The following ADTRP variants were observed in gnomAD, a reference collection of about 807,000 sequenced individuals.
ADTRP encodes the protein androgen dependent TFPI regulating protein.
ADTRP carries 20 observed loss-of-function variants against 27.0 expected under a neutral mutation model. The ratio of observed to expected loss-of-function variants is 0.74; its 90% CI spans 0.52 to 1.08. The LOEUF (loss-of-function observed/expected upper bound fraction) is 1.08, where lower values mean the gene tolerates loss of function less well. ADTRP is among the 50% of genes least tolerant of loss of function. The probability of loss-of-function intolerance (pLI) is 0.00; values close to 1 mark genes in which losing one functional copy is unlikely to be tolerated. For synonymous variants in ADTRP, 101 were observed against 105.2 expected (o/e 0.96, Z 0.25); for missense variants, 251 against 275.0 (o/e 0.91, Z 0.62).
At chr6:11,731,964 A>AT (rs1039602273) in intron 4 of ADTRP, among the ~76,000 whole-genome samples, 1 of 151,982 alleles carries the variant, frequency 6.6e-6, no homozygotes, top group Admixed American at 6.6e-5. Context: ...GAACATTTCT[A>AT]TTTTTTTGCT....
At chr6:11,741,163 G>A (rs1218772706) in intron 3 of ADTRP, among the ~76,000 whole-genome samples, 1 of 152,088 alleles carries the variant, frequency 6.6e-6, no homozygotes, top group East Asian at 1.9e-4. Flanking sequence ...AACCTAGGTG[G>A]GCTATCACAG....
At position 11,766,377 on chromosome 6, in the gene ADTRP, T is replaced by G. The variant is rs1185377437; in HGVS notation, c.289-2A>C. Reference sequence around the variant, plus strand: ...GATCCAGAATGCCAAAAATACAAACTGGAAAATAAAACACAAAAAATAGCA... The same window carrying G: ...GATCCAGAATGCCAAAAATACAAACGGGAAAATAAAACACAAAAAATAGCA... On this transcript the variant is annotated splice_acceptor_variant, in intron 2 of 5. Transcript: ENST00000414691. LOFTEE classifies it high-confidence loss of function. The G allele has an allele frequency of 3.1e-6, 5 of 1,607,596 alleles. No homozygotes were observed. Among genetic ancestry groups the G allele is most frequent in the Non-Finnish European group, 4.3e-6 (5 of 1,175,802 alleles).
At chr6:11,719,200 C>T (rs1761930496) in intron 5 of ADTRP, among the ~76,000 whole-genome samples, 1 of 152,188 alleles carries the variant, frequency 6.6e-6, no homozygotes, top group African/African-American at 2.4e-5. Flanking sequence ...GTAATAGAGC[C>T]TTGTCCTCAG....
chr6:11,769,280 C>T (rs1763681896), intron 1 of ADTRP, among the ~76,000 whole-genome samples: 4 of 152,156 alleles, frequency 2.6e-5, no homozygotes, highest in Admixed American at 1.3e-4. Flanking sequence ...CTGGACTCTG[C>T]TTTTAGGGTA....
Position 11,768,254 on chromosome 6 carries a change from A to G in ADTRP, c.283T>C (p.Ser95Pro). Reference protein sequence around the residue: ...LLFTTLAFPVSTFVFLAFWIL... With the variant: ...LLFTTLAFPVPTFVFLAFWIL... ...TACACATCTTTGAAACTTACCGTGG[A>G]TACAGGAAAAGCCAGAGTGGTGAAA... The change falls in exon 2 of 6, where the codon TCC (serine) becomes CCC (proline). Residue 95 changes from serine to proline, a missense_variant. Coordinates refer to ENST00000414691, the MANE Select transcript of ADTRP (RefSeq NM_032744.4). 2 of 1,614,170 alleles carry G rather than the reference A, an allele frequency of 1.2e-6. No homozygotes were observed.
rs75127539 is a variant in ADTRP at position 11,762,429 on chromosome 6, T to G, written c.390+3845A>C. Among the ~76,000 whole-genome samples, 1,428 of 152,382 alleles carry G rather than the reference T, an allele frequency of 9.4e-3. 23 individuals are homozygous for G. The highest frequency in any genetic ancestry group is 0.032 in the African/African-American group (1,344 of 41,584). Reference sequence around the variant, plus strand: ...AACCCTCAATAAATATCAATCATAGTGTCACACGCATAGTGGTACTTAACT... The same window carrying G: ...AACCCTCAATAAATATCAATCATAGGGTCACACGCATAGTGGTACTTAACT... On this transcript the variant is annotated intron_variant, in intron 3 of 5. Coordinates refer to ENST00000414691, the MANE Select transcript of ADTRP (RefSeq NM_032744.4).
At chr6:11,761,477 T>C (rs1763388203) in intron 3 of ADTRP, among the ~76,000 whole-genome samples, 1 of 152,262 alleles carries the variant, frequency 6.6e-6, no homozygotes, top group African/African-American at 2.4e-5. Context: ...TCTTGCTTAT[T>C]ATTATACATC....
At chr6:11,767,621 A>G (rs557827729) in intron 2 of ADTRP, 10 of 152,320 alleles carry the variant, frequency 6.6e-5, no homozygotes, top group African/African-American at 1.7e-4. Context: ...AAACATGAAC[A>G]ATGTCATAGA....
Position 11,763,881 on chromosome 6 carries a change from T to A in ADTRP, c.390+2393A>T, listed in dbSNP as rs7758428. On this transcript the variant is annotated intron_variant, in intron 3 of 5. Coordinates refer to ENST00000414691, the MANE Select transcript of ADTRP (RefSeq NM_032744.4). ...AGAAGGCAGGAAGTTTGGGAATGAC[T>A]GTGTTAGGGACACCTGAGGCCAATT... 6.1e-3 allele frequency among the ~76,000 whole-genome samples: 925 copies of A among 152,368 alleles called. 11 individuals carry two copies. Among genetic ancestry groups the A allele is most frequent in the African/African-American group, 0.021 (866 of 41,582 alleles).
chr6:11,777,743 C>A, intron 1 of ADTRP, among the ~76,000 whole-genome samples: 1 of 152,138 alleles, frequency 6.6e-6, no homozygotes, highest in East Asian at 1.9e-4. Flanking sequence ...CTTAGCATTT[C>A]AGAGTGTCAC....
chr6:11,737,371 G>A (rs992817581), intron 3 of ADTRP, among the ~76,000 whole-genome samples: 1 of 152,146 alleles, frequency 6.6e-6, no homozygotes, highest in Non-Finnish European at 1.5e-5. Context: ...TGGCCCCTCA[G>A]TTAGGGCAGT....
chr6:11,758,378 A>G (rs1031895736), intron 3 of ADTRP, among the ~76,000 whole-genome samples: 1 of 152,074 alleles, frequency 6.6e-6, no homozygotes, highest in African/African-American at 2.4e-5. Flanking sequence ...GAATCCCCGT[A>G]TGTGTAGCTA....
At chr6:11,738,204 G>C (rs1267499543) in intron 3 of ADTRP, among the ~76,000 whole-genome samples, 2 of 152,164 alleles carry the variant, frequency 1.3e-5, no homozygotes, top group South Asian at 2.1e-4. Context: ...GTGCAAGCAA[G>C]GGCCTGGGAT....
At chr6:11,771,903 C>T (rs1269422309) in intron 1 of ADTRP, among the ~76,000 whole-genome samples, 2 of 152,186 alleles carry the variant, frequency 1.3e-5, no homozygotes, top group East Asian at 3.8e-4. Flanking sequence ...AGAAACCGAC[C>T]TTGCCCACAT....
Position 11,769,903 on chromosome 6 carries a change from G to A in ADTRP, c.154-1520C>T, listed in dbSNP as rs375155730. On this transcript the variant is annotated intron_variant, in intron 1 of 5. Transcript: ENST00000414691. The stretch of plus-strand genomic sequence containing the variant: ...ATCTTACTACTCAAAGCTATAAAGC[G>A]GACTTTTATTCATTACTTGGTATGT... 36 of 999,872 alleles carry A rather than the reference G, an allele frequency of 3.6e-5. 1 individual carries two copies. The highest frequency in any genetic ancestry group is 1.3e-4 in the East Asian group (5 of 38,164). The allele number at this position is 999,872 out of a possible 1,614,324, so 61.9% of individuals were successfully genotyped here. A position where few individuals can be genotyped will look rare whatever the true frequency, so the allele number is the denominator to read the frequency against.
intron 3 of ADTRP, among the ~76,000 whole-genome samples, chr6:11,747,559 C>T (rs1313565029): frequency 6.6e-6 from 1 of 152,208 alleles, no homozygotes; most frequent in African/African-American, 2.4e-5. Flanking sequence ...TGCTATTGGA[C>T]TGTTAAAACT....
At chr6:11,747,215 A>G (rs529177396) in intron 3 of ADTRP, among the ~76,000 whole-genome samples, 3 of 152,222 alleles carry the variant, frequency 2.0e-5, no homozygotes, top group Non-Finnish European at 4.4e-5. Flanking sequence ...CCTTCTCACC[A>G]CAGAATAATA....
At chr6:11,721,369 A>C (rs1762020201) in intron 5 of ADTRP, among the ~76,000 whole-genome samples, 1 of 152,218 alleles carries the variant, frequency 6.6e-6, no homozygotes, top group Admixed American at 6.5e-5. Flanking sequence ...AAGGGTGTGG[A>C]CTTTCTTCAG....
At chr6:11,759,060 C>G (rs1278235260) in intron 3 of ADTRP, among the ~76,000 whole-genome samples, 1 of 152,192 alleles carries the variant, frequency 6.6e-6, no homozygotes, top group Non-Finnish European at 1.5e-5. Flanking sequence ...TCCTGCTCAC[C>G]TGGCAGGGAG....
Sources: allele counts gnomAD v4.1 joint callset (sites outside exome capture counted in the v4.1 genomes callset), GRCh38; gene constraint gnomAD v4.1.1; transcripts MANE v1.5; gene names NCBI Gene and HGNC (gene_info 2026-07-23, HGNC 2026-07-21).